SLC10A1: variants seen among roughly 807,000 people sequenced by gnomAD.
SLC10A1 encodes hepatic sodium/bile acid cotransporter.
SLC10A1 carries 36 observed loss-of-function variants against 20.5 expected under a neutral mutation model. That is an observed-to-expected ratio of 1.75 (90% CI 1.34 to 2.32). The LOEUF is 2.32. SLC10A1 is among the 30% of genes most tolerant of loss of function. The pLI is 0.00. For missense variants in SLC10A1, 545 were observed against 439.1 expected (o/e 1.24, Z -2.16); for synonymous variants, 188 against 163.6 (o/e 1.15, Z -1.14).
chr14:69,796,344 C>T (rs925608397), intron 1 of SLC10A1, among the ~76,000 whole-genome samples: 5 of 152,170 alleles, frequency 3.3e-5, no homozygotes, highest in South Asian at 4.1e-4. Flanking sequence ...AATTCTTGCC[C>T]GCTTTGCAGG....
chr14:69,776,421 A>G, intron 4 of SLC10A1, 33 bp from the exon 5 acceptor site: 1 of 1,519,922 alleles, frequency 6.6e-7, no homozygotes. Context: ...AGGTGTAGAG[A>G]GAGAACAAGA....
intron 1 of SLC10A1, among the ~76,000 whole-genome samples, chr14:69,789,820 T>G (rs1469126396): frequency 6.6e-6 from 1 of 151,922 alleles, no homozygotes; most frequent in South Asian, 2.1e-4. Context: ...GTTAAGCACC[T>G]TAAGAGGTTA....
At chr14:69,784,982 ACTT>A (rs993019775) in intron 2 of SLC10A1, among the ~76,000 whole-genome samples, 1 of 152,248 alleles carries the variant, frequency 6.6e-6, no homozygotes, top group African/African-American at 2.4e-5. Context: ...TGGACTCTTG[ACTT>A]CTTTGTTCCA....
At chr14:69,780,667 A>G (rs1482340148) in intron 2 of SLC10A1, among the ~76,000 whole-genome samples, 2 of 152,246 alleles carry the variant, frequency 1.3e-5, no homozygotes, top group Non-Finnish European at 2.9e-5. Context: ...TGATATGATC[A>G]TATAAAACAT....
rs1211711992 is a variant in SLC10A1 at position 69,796,947 on chromosome 14, C to G, written c.209G>C (p.Gly70Ala). ...GLAIALVAQY[G>A]IMPLTAFVLG... ...CACAAAGGCCGTGAGGGGCATGATGCCATACTGTGCCACCAGGGCGATGGC... is the reference window on the plus strand; with the variant it reads ...CACAAAGGCCGTGAGGGGCATGATGGCATACTGTGCCACCAGGGCGATGGC... Residue 70 changes from glycine to alanine, a missense_variant, in exon 1 of 5, where the codon GGC becomes GCC. Physicochemically the swap from Gly to Ala is moderately conservative, Grantham distance 60. Coordinates refer to ENST00000216540, the MANE Select transcript of SLC10A1 (RefSeq NM_003049.4). 5 of 1,614,224 alleles carry G rather than the reference C, an allele frequency of 3.1e-6. No individual in the cohort carries two copies. The highest frequency in any genetic ancestry group is 1.1e-5 in the South Asian group (1 of 91,090).
chr14:69,777,578 G>GTTTTTTTTTTTTTTTTT (rs4646293), intron 4 of SLC10A1, among the ~76,000 whole-genome samples: 1 of 72,448 alleles, frequency 1.4e-5, no homozygotes, highest in African/African-American at 5.2e-5. Flanking sequence ...TGAATGTCCT[G>GTTTTTTTTTTTTTTTTT]TTTTTTTTTT....
chr14:69,786,613 CCTT>C (rs1883721023), intron 1 of SLC10A1, among the ~76,000 whole-genome samples: 3 of 152,306 alleles, frequency 2.0e-5, no homozygotes, highest in Non-Finnish European at 2.9e-5. Context: ...ATTCTGATCT[CCTT>C]CTCTGTAATG....
At chr14:69,795,719 A>G (rs1882375386) in intron 1 of SLC10A1, among the ~76,000 whole-genome samples, 1 of 151,854 alleles carries the variant, frequency 6.6e-6, no homozygotes, top group South Asian at 2.1e-4. Context: ...AGCCATTCTC[A>G]CTTTTTTCAT....
chr14:69,789,274 A>T (rs552810009), intron 1 of SLC10A1, among the ~76,000 whole-genome samples: 4 of 152,378 alleles, frequency 2.6e-5, no homozygotes, highest in Non-Finnish European at 4.4e-5. Flanking sequence ...CATAGACATT[A>T]TTCATACTAG....
Position 69,778,411 on chromosome 14 carries a change from A to G in SLC10A1, c.865T>C (p.Tyr289His). 1 of 1,614,056 alleles carries G rather than the reference A, an allele frequency of 6.2e-7. No homozygotes were observed. Among genetic ancestry groups the G allele is most frequent in the Non-Finnish European group, 8.5e-7 (1 of 1,179,976 alleles). ...IGPLFFFPLL[Y>H]MIFQLGEGLL... is the part of the protein sequence containing the mutation. ...CCTTCTCCAAGCTGGAAAATCATGT[A>G]GAGGAGGGGAAAGAAGAAAAGTGGT... Residue 289 changes from tyrosine (Y) to histidine (H), a missense_variant, in exon 4 of 5, where the codon TAC becomes CAC. Physicochemically the swap from Tyr to His is moderately conservative, Grantham distance 83. Transcript: ENST00000216540.
intron 4 of SLC10A1, among the ~76,000 whole-genome samples, chr14:69,777,829 TGAG>T (rs755124150): frequency 6.7e-6 from 1 of 150,028 alleles, no homozygotes; most frequent in Non-Finnish European, 1.5e-5. Flanking sequence ...TAACTAGAGT[TGAG>T]GAATCTTTTT....
intron 2 of SLC10A1, among the ~76,000 whole-genome samples, chr14:69,781,195 T>G (rs1037307245): frequency 1.3e-5 from 2 of 152,168 alleles, no homozygotes; most frequent in African/African-American, 4.8e-5. Context: ...GGGGAGGAAT[T>G]AACATTCTAG....
At position 69,778,396 on chromosome 14, in the gene SLC10A1, G is replaced by C; in HGVS notation, c.880C>G (p.Leu294Val). ...GCAATGAGGAGAAGCCCTTCTCCAAGCTGGAAAATCATGTAGAGGAGGGGA... is the reference window on the plus strand; with the variant it reads ...GCAATGAGGAGAAGCCCTTCTCCAACCTGGAAAATCATGTAGAGGAGGGGA... ...FFPLLYMIFQLGEGLLLIAIF... is the reference protein window; with the variant it reads ...FFPLLYMIFQVGEGLLLIAIF... The change falls in exon 4 of 5, where the codon CTT becomes GTT. Residue 294 changes from leucine to valine, a missense_variant. By Grantham distance (32) the Leu-to-Val change is conservative. Coordinates refer to ENST00000216540, the MANE Select transcript of SLC10A1 (RefSeq NM_003049.4). 5 of 1,613,948 alleles carry C rather than the reference G, an allele frequency of 3.1e-6. No homozygotes were observed. Among genetic ancestry groups the C allele is most frequent in the Non-Finnish European group, 4.2e-6 (5 of 1,179,920 alleles).
chr14:69,783,092 A>G (rs181726482), intron 2 of SLC10A1, among the ~76,000 whole-genome samples: 3 of 152,266 alleles, frequency 2.0e-5, no homozygotes, highest in Admixed American at 2.0e-4. Flanking sequence ...AAGCAATCTT[A>G]TGCACCCCAC....
chr14:69,795,927 G>A (rs565816955), intron 1 of SLC10A1, among the ~76,000 whole-genome samples: 32 of 152,284 alleles, frequency 2.1e-4, no homozygotes, highest in African/African-American at 7.0e-4. Flanking sequence ...TTGAGACTGA[G>A]GTTTCACTGA....
intron 4 of SLC10A1, among the ~76,000 whole-genome samples, chr14:69,777,578 G>GTTTTTTTTTTTTTTTTTTTTTTTT (rs4646293): frequency 1.4e-5 from 1 of 72,448 alleles, no homozygotes; most frequent in African/African-American, 5.2e-5. Flanking sequence ...TGAATGTCCT[G>GTTTTTTTTTTTTTTTTTTTTTTTT]TTTTTTTTTT....
Position 69,776,197 on chromosome 14 carries a change from C to G in SLC10A1, c.*85G>C. ...ATGCTGGAGAAAGACTCAGGCAAGACTGGTGTTTTTGCTGCTCTCTCTAGT... is the reference window on the plus strand; with the variant it reads ...ATGCTGGAGAAAGACTCAGGCAAGAGTGGTGTTTTTGCTGCTCTCTCTAGT... On this transcript the variant is annotated 3_prime_UTR_variant, in exon 5 of 5. Coordinates refer to ENST00000216540, the MANE Select transcript of SLC10A1 (RefSeq NM_003049.4). 6 of 889,570 alleles carry G rather than the reference C, an allele frequency of 6.7e-6. No individual in the cohort carries two copies. Among genetic ancestry groups the G allele is most frequent in the South Asian group, 4.5e-5 (3 of 67,328 alleles). The allele number at this position is 889,570 out of a possible 1,614,324, so 55.1% of individuals were successfully genotyped here.
At chr14:69,779,013 C>T (rs1420749950) in intron 3 of SLC10A1, among the ~76,000 whole-genome samples, 169 bp downstream of exon 3, 1 of 152,006 alleles carries the variant, frequency 6.6e-6, no homozygotes, top group African/African-American at 2.4e-5. Context: ...AAAGTTAAAT[C>T]AGCTGGTCAT....
At position 69,781,960 on chromosome 14, in the gene SLC10A1, T is replaced by C. The variant is rs143133083; in HGVS notation, c.568-2600A>G. Among the ~76,000 whole-genome samples the C allele has an allele frequency of 2.6e-3, 390 of 152,334 alleles. 1 individual carries two copies. Among genetic ancestry groups the C allele is most frequent in the African/African-American group, 8.8e-3 (367 of 41,562 alleles). On this transcript the variant is annotated intron_variant, in intron 2 of 4. Transcript: ENST00000216540. ...TTGATTTGCAAGGTCCAAGGAGGGT[T>C]ATGTGTGCGTAAGAGGCTAGGACAA...
Sources: gnomAD v4.1 joint callset for allele counts (sites outside exome capture counted in the v4.1 genomes callset) on GRCh38, gnomAD v4.1.1 for gene constraint, MANE v1.5 for transcripts, NCBI Gene and HGNC (gene_info 2026-07-23, HGNC 2026-07-21) for gene names.